The following HADHB variants were observed in gnomAD, a reference collection of about 807,000 sequenced individuals.
HADHB encodes the protein hydroxyacyl-CoA dehydrogenase trifunctional multienzyme complex subunit beta.
Under a neutral mutation model 61.9 loss-of-function variants are expected in HADHB, and 50 were observed. The ratio of observed to expected loss-of-function variants is 0.81; its 90% CI spans 0.64 to 1.02. The LOEUF (loss-of-function observed/expected upper bound fraction) is 1.02. Among genes scored for constraint, HADHB ranks in the 50% least tolerant of loss-of-function variants. The pLI, the probability that HADHB is intolerant of heterozygous loss-of-function variation, is 0.00. For synonymous variants in HADHB, 191 were observed against 201.6 expected, an observed-to-expected ratio of 0.95 and a Z score of 0.45; for missense variants, 504 against 586.5, an observed-to-expected ratio of 0.86 and a Z score of 1.45.
rs1375711282 is a variant in HADHB, at chr2:26,284,053, A to T, written c.1062-64A>T. 3.5e-6 allele frequency: 3 copies of T among 866,028 alleles called. No homozygotes were observed. The African/African-American group carries it at 5.0e-5, about 14-fold the overall frequency. 53.6% of individuals were successfully genotyped at this position (866,028 alleles called of 1,614,324 possible). On this transcript the variant is annotated intron_variant, in intron 12 of 15. Transcript: ENST00000317799. ...TACCTATGTAAAACTCAGTTTGGGG[A>T]ATATGAAGGAGCTCTTAGTTTAAAA...
chr2:26,286,807 G>GTTT (rs1232979244), intron 15 of HADHB, among the ~76,000 whole-genome samples: 1 of 130,878 alleles, frequency 7.6e-6, no homozygotes, highest in Admixed American at 7.9e-5. Flanking sequence ...TGCCTGGCCT[G>GTTT]TTTTTGTTTT....
intron 1 of HADHB, among the ~76,000 whole-genome samples, chr2:26,249,083 T>A (rs1246186801): frequency 6.6e-6 from 1 of 151,880 alleles, no homozygotes; most frequent in Non-Finnish European, 1.5e-5. Context: ...ATCACAACTT[T>A]TTGTTAGTGA....
At chr2:26,251,512 A>T (rs1482230311) in intron 1 of HADHB, among the ~76,000 whole-genome samples, 1 of 152,178 alleles carries the variant, frequency 6.6e-6, no homozygotes, top group Non-Finnish European at 1.5e-5. Flanking sequence ...ATCTGTTGCA[A>T]CAAGGTTCCC....
chr2:26,264,118 A>G (rs1000349583), intron 4 of HADHB, among the ~76,000 whole-genome samples: 1 of 152,138 alleles, frequency 6.6e-6, no homozygotes, highest in African/African-American at 2.4e-5. Context: ...GATTGTTTTA[A>G]TGTTTATATT....
chr2:26,263,510 C>T (rs1303563902), intron 4 of HADHB, 31 bp downstream of exon 4: 1 of 1,375,256 alleles, frequency 7.3e-7, no homozygotes, highest in Non-Finnish European at 1.0e-6. Context: ...TTATTTTTTT[C>T]CTTCTTTTAA....
Position 26,278,654 on chromosome 2 carries a change from G to A in HADHB, c.483G>A (p.Val161=), listed in dbSNP as rs770105592. The change falls in exon 8 of 16, where the codon GTG becomes GTA. Residue 161 remains valine (V), a synonymous_variant. Transcript: ENST00000317799. The part of the protein sequence containing the change: ...LIASGQCDVI[V]AGGVELMSDV... ...CTTCTGGCCAGTGTGATGTGATCGTGGCAGGTGGTGTTGAGTTGATGTCCG... is the reference window on the plus strand; with the variant it reads ...CTTCTGGCCAGTGTGATGTGATCGTAGCAGGTGGTGTTGAGTTGATGTCCG... 6.2e-7 allele frequency: 1 copy of A among 1,614,162 alleles called. No individual in the cohort carries two copies. The highest frequency in any genetic ancestry group is 8.5e-7 in the Non-Finnish European group (1 of 1,180,012).
intron 6 of HADHB, among the ~76,000 whole-genome samples, chr2:26,275,912 T>C (rs1672518369): frequency 6.6e-6 from 1 of 152,320 alleles, no homozygotes; most frequent in South Asian, 2.1e-4. Context: ...TAGGAGAGTG[T>C]GTTCTGAGGA....
chr2:26,282,793 A>G, intron 10 of HADHB, 52 bp from the exon 11 acceptor site: 1 of 1,262,964 alleles, frequency 7.9e-7, no homozygotes, highest in East Asian at 2.3e-5. Flanking sequence ...GGCTGGAGAA[A>G]GACCTCCAGA....
At chr2:26,286,736 C>G (rs1673048085) in intron 15 of HADHB, among the ~76,000 whole-genome samples, 1 of 150,542 alleles carries the variant, frequency 6.6e-6, no homozygotes, top group Non-Finnish European at 1.5e-5. Context: ...GAACTCCTGA[C>G]CTCAGGTGAT....
intron 5 of HADHB, among the ~76,000 whole-genome samples, chr2:26,270,513 G>A (rs1369685090): frequency 1.3e-5 from 2 of 151,776 alleles, no homozygotes; most frequent in Non-Finnish European, 2.9e-5. Context: ...TCTTAGTTTG[G>A]AGAAACCCTT....
intron 6 of HADHB, 79 bp downstream of exon 6, chr2:26,273,829 C>CA: frequency 1.3e-6 from 1 of 797,874 alleles, no homozygotes; most frequent in Non-Finnish European, 2.2e-6. Context: ...AGTTACTTTA[C>CA]AAAAGCCTTT....
At chr2:26,252,188 T>C (rs1452686613) in intron 1 of HADHB, among the ~76,000 whole-genome samples, 2 of 152,210 alleles carry the variant, frequency 1.3e-5, no homozygotes, top group Non-Finnish European at 2.9e-5. Context: ...GTATCTCTTA[T>C]AGCCTATCTC....
chr2:26,275,535 T>C (rs889107002), intron 6 of HADHB, among the ~76,000 whole-genome samples: 1 of 152,178 alleles, frequency 6.6e-6, no homozygotes, highest in Non-Finnish European at 1.5e-5. Context: ...CAACACAAAT[T>C]AGAAAGGCCC....
chr2:26,254,403 T>C, intron 2 of HADHB, 27 bp from the exon 3 acceptor site: 1 of 1,586,516 alleles, frequency 6.3e-7, no homozygotes, highest in Non-Finnish European at 8.7e-7. Context: ...GTATTGCTTT[T>C]TGTAAACAGT....
intron 4 of HADHB, among the ~76,000 whole-genome samples, chr2:26,269,567 C>T (rs1672253440): frequency 6.6e-6 from 1 of 152,190 alleles, no homozygotes; most frequent in African/African-American, 2.4e-5. Context: ...AGTCCTAATA[C>T]ATCACCTGTA....
chr2:26,260,978 TAG>T (rs1671836234), intron 3 of HADHB: 2 of 1,474,972 alleles, frequency 1.4e-6, no homozygotes, highest in Non-Finnish European at 9.2e-7. Context: ...CTTCTTTGCC[TAG>T]AGAGAGAATC....
chr2:26,245,715 G>A (rs917842801), intron 1 of HADHB, among the ~76,000 whole-genome samples: 1 of 152,078 alleles, frequency 6.6e-6, no homozygotes, highest in African/African-American at 2.4e-5. Flanking sequence ...AGCTGTTTTT[G>A]TGCTGGAATG....
Position 26,263,432 on chromosome 2 carries a change from TGTG to T in HADHB, c.170_172del (p.Val57del), listed in dbSNP as rs1671941403. The T allele has an allele frequency of 6.2e-7, 1 of 1,613,212 alleles. No individual in the cohort carries two copies. Among genetic ancestry groups the T allele is most frequent in the African/African-American group, 1.3e-5 (1 of 74,898 alleles). On this transcript the variant is annotated inframe_deletion, in exon 4 of 16. Coordinates refer to ENST00000317799, the MANE Select transcript of HADHB (RefSeq NM_000183.3). The stretch of plus-strand genomic sequence containing the variant: ...TAGCCAAACCCAATATAAGGAATGT[TGTG>T]GTGGTGGATGGTGTTCGCACTCCAT...
At chr2:26,265,966 G>A (rs536696566) in intron 4 of HADHB, among the ~76,000 whole-genome samples, 6 of 152,018 alleles carry the variant, frequency 3.9e-5, no homozygotes, top group Non-Finnish European at 5.9e-5. Context: ...TTTGGGAGGC[G>A]GAGGCGGGAG....
Sources: allele counts gnomAD v4.1 joint callset (sites outside exome capture counted in the v4.1 genomes callset), GRCh38; gene constraint gnomAD v4.1.1; transcripts MANE v1.5; gene names NCBI Gene and HGNC (gene_info 2026-07-23, HGNC 2026-07-21).